ECT2: variants seen among roughly 807,000 people sequenced by gnomAD.
ECT2 encodes the protein epithelial cell transforming 2.
Under a neutral mutation model 116.9 loss-of-function variants are expected in ECT2, and 61 were observed. The observed-to-expected ratio is 0.52, with a 90% confidence interval of 0.42 to 0.65. The LOEUF (loss-of-function observed/expected upper bound fraction) is 0.65, where lower values mean the gene tolerates loss of function less well. Among genes scored for constraint, ECT2 ranks in the 30% least tolerant of loss-of-function variants. ECT2 has a pLI of 0.00. For missense variants in ECT2, 937 were observed against 1,078.7 expected (o/e 0.87, Z 1.84); for synonymous variants, 358 against 346.4 (o/e 1.03, Z -0.37).
In ECT2 at chr3:172,805,733, A is replaced by C. The variant is rs148961699; in HGVS notation, c.2109A>C (p.Ile703=). Residue 703 remains isoleucine (I), a splice_region_variant and synonymous_variant, in exon 21 of 25, where the codon ATA becomes ATC. Transcript: ENST00000392692. ...ACTTTTTTATTTTCTATAATCAGAT[A>C]GCAAGAAAACGGCACAAGGTTATTG... ...TLFLFNDCLE[I]ARKRHKVIGT... 4.3e-6 allele frequency: 7 copies of C among 1,612,120 alleles called. No individual in the cohort carries two copies. In the African/African-American group the frequency reaches 8.0e-5, roughly 18 times the overall value.
At chr3:172,818,870 T>G in intron 24 of ECT2, 1 of 1,140,264 alleles carries the variant, frequency 8.8e-7, no homozygotes. Flanking sequence ...AAGGAACATA[T>G]TTTTTCTCCA....
chr3:172,775,240 A>G (rs202016410), intron 14 of ECT2, among the ~76,000 whole-genome samples: 2 of 152,220 alleles, frequency 1.3e-5, no homozygotes, highest in Non-Finnish European at 2.9e-5. Flanking sequence ...AATAACTCAC[A>G]TTAATATTTA....
intron 21 of ECT2, among the ~76,000 whole-genome samples, chr3:172,807,165 G>A (rs887228619): frequency 3.3e-5 from 5 of 152,122 alleles, no homozygotes; most frequent in African/African-American, 9.7e-5. Context: ...CCTATGTACT[G>A]TAAGTCATTT....
At chr3:172,823,375 C>T (rs1455732199), downstream of ECT2, among the ~76,000 whole-genome samples, 1 of 152,136 alleles carries the variant, frequency 6.6e-6, no homozygotes, top group Non-Finnish European at 1.5e-5. Context: ...ACATGTAAGA[C>T]TATCAACCTT....
chr3:172,762,844 C>A (rs1451706694), intron 10 of ECT2, 38 bp downstream of exon 10: 3 of 1,608,934 alleles, frequency 1.9e-6, no homozygotes, highest in African/African-American at 2.7e-5. Context: ...TTTAAAAACA[C>A]TATTAATAGC....
At position 172,756,850 on chromosome 3, in the gene ECT2, TAG is replaced by T. The variant is rs1002034048; in HGVS notation, c.304-131_304-130del. 5.1e-5 allele frequency: 39 copies of T among 767,074 alleles called. No individual in the cohort carries two copies. In the African/African-American group the frequency reaches 6.4e-4, roughly 13 times the overall value. 47.5% of individuals were successfully genotyped at this position (767,074 alleles called of 1,614,324 possible). ...AAGTGTAATGCTGATTATTGTGTGA[TAG>T]AAACTTATTTTCTACAAATATAAAC... is the stretch of plus-strand genomic sequence containing the variant. On this transcript the variant is annotated intron_variant, in intron 4 of 24. Transcript: ENST00000392692.
chr3:172,794,969 C>T (rs186490799), intron 18 of ECT2, among the ~76,000 whole-genome samples: 4 of 152,060 alleles, frequency 2.6e-5, no homozygotes, highest in Admixed American at 6.5e-5. Flanking sequence ...ACCTTGGCCT[C>T]CCAAAGTTCT....
chr3:172,761,735 T>C, intron 8 of ECT2, 52 bp downstream of exon 8: 1 of 1,309,176 alleles, frequency 7.6e-7, no homozygotes, highest in South Asian at 1.3e-5. Context: ...CATTCTGGTT[T>C]AAAGATAAAT....
At position 172,821,133 on chromosome 3, in the gene ECT2, A is replaced by C. The variant is rs1221318072; in HGVS notation, c.*896A>C. The stretch of plus-strand genomic sequence containing the variant: ...TTCTGTGAAATGCATAGATATGCGC[A>C]TGTTCAACTTTTTATTGTGGTCTTA... On this transcript the variant is annotated 3_prime_UTR_variant, in exon 25 of 25. Coordinates refer to ENST00000392692, the MANE Select transcript of ECT2 (RefSeq NM_001258315.2). 2.0e-5 allele frequency: 3 copies of C among 151,936 alleles called. No individual in the cohort carries two copies. The highest frequency in any genetic ancestry group is 1.5e-5 in the Non-Finnish European group (1 of 67,824). 9.4% of individuals were successfully genotyped at this position (151,936 alleles called of 1,614,324 possible).
At chr3:172,788,898 A>G (rs1328367970) in intron 18 of ECT2, among the ~76,000 whole-genome samples, 3 of 152,000 alleles carry the variant, frequency 2.0e-5, no homozygotes, top group Non-Finnish European at 4.4e-5. Context: ...TCTCTACTAA[A>G]AATACAAAAA....
chr3:172,781,752 T>C (rs2108658371), intron 14 of ECT2, among the ~76,000 whole-genome samples: 1 of 152,318 alleles, frequency 6.6e-6, no homozygotes, highest in East Asian at 1.9e-4. Context: ...TTAAATTTAC[T>C]GACCCCCTGT....
chr3:172,815,945 C>G (rs62281240), intron 23 of ECT2, among the ~76,000 whole-genome samples: 15,790 of 152,102 alleles, frequency 0.1, 1,046 homozygotes, highest in Non-Finnish European at 0.15. Flanking sequence ...GTGAACTATC[C>G]TGCAGTAGAA....
At chr3:172,816,616 C>CT (rs749700542) in intron 23 of ECT2, 75 bp from the exon 24 acceptor site, 8 of 1,378,268 alleles carry the variant, frequency 5.8e-6, no homozygotes, top group Non-Finnish European at 7.7e-6. Context: ...ATATATTTGG[C>CT]TTTTTTATGT....
In ECT2 at chr3:172,764,335, A is replaced by G. The variant is rs1444452897; in HGVS notation, c.1126A>G (p.Ser376Gly). 1.2e-6 allele frequency: 2 copies of G among 1,614,156 alleles called. No homozygotes were observed. Among genetic ancestry groups the G allele is most frequent in the African/African-American group, 1.3e-5 (1 of 75,044 alleles). The change falls in exon 12 of 25, where the codon AGC becomes GGC. Residue 376 changes from serine to glycine, a missense_variant. Ser to Gly is a moderately conservative substitution (Grantham distance 56). Coordinates refer to ENST00000392692, the MANE Select transcript of ECT2 (RefSeq NM_001258315.2). ...AATGCTTTCTCTAAATACCCCTAAC[A>G]GCAATCGCAAACGACGTCGTTTAAA... ...VSMLSLNTPN[S>G]NRKRRRLKET...
At chr3:172,818,728 A>G in intron 24 of ECT2, 2 of 1,288,602 alleles carry the variant, frequency 1.6e-6, no homozygotes, top group Non-Finnish European at 2.0e-6. Flanking sequence ...AAATTTCAAA[A>G]AAGTTCTTTC....
intron 18 of ECT2, among the ~76,000 whole-genome samples, chr3:172,801,078 A>G (rs79317820): frequency 0.039 from 5,942 of 152,276 alleles, 181 homozygotes; most frequent in East Asian, 0.16. Context: ...TGAATATAAT[A>G]ACTTTAAATT....
intron 14 of ECT2, among the ~76,000 whole-genome samples, chr3:172,779,306 G>A (rs753385273): frequency 6.6e-6 from 1 of 152,022 alleles, no homozygotes; most frequent in Non-Finnish European, 1.5e-5. Flanking sequence ...TCTTTCAAGT[G>A]CATTTCTGAA....
chr3:172,761,963 G>A (rs945346703), intron 8 of ECT2, among the ~76,000 whole-genome samples: 1 of 151,868 alleles, frequency 6.6e-6, no homozygotes, highest in Non-Finnish European at 1.5e-5. Context: ...CTGTGTATTT[G>A]GATTTTGTTA....
At chr3:172,826,040 C>T (rs545549328), downstream of ECT2, among the ~76,000 whole-genome samples, 6 of 152,210 alleles carry the variant, frequency 3.9e-5, no homozygotes, top group Non-Finnish European at 7.4e-5. Context: ...ATTACAGGCA[C>T]GCCCCGCCAC....
Sources: gnomAD v4.1 joint callset for allele counts (sites outside exome capture counted in the v4.1 genomes callset) on GRCh38, gnomAD v4.1.1 for gene constraint, MANE v1.5 for transcripts, NCBI Gene and HGNC (gene_info 2026-07-23, HGNC 2026-07-21) for gene names.